The following NCKAP5 variants were observed in gnomAD, a reference collection of about 807,000 sequenced individuals.
NCKAP5 encodes the protein nck-associated protein 5.
Under a neutral mutation model 167.0 loss-of-function variants are expected in NCKAP5, and 92 were observed. That is an observed-to-expected ratio of 0.55 (90% confidence interval 0.47 to 0.66). The LOEUF (loss-of-function observed/expected upper bound fraction) is 0.66. Among genes scored for constraint, NCKAP5 ranks in the 30% least tolerant of loss-of-function variants. The pLI, the probability that NCKAP5 is intolerant of heterozygous loss-of-function variation, is 0.00. For missense variants in NCKAP5, 2,378 were observed against 2,315.0 expected (o/e 1.03, Z -0.56); for synonymous variants, 891 against 877.4 (o/e 1.02, Z -0.27).
intron 6 of NCKAP5, among the ~76,000 whole-genome samples, chr2:133,071,857 C>T (rs187978701): frequency 1.3e-5 from 2 of 152,288 alleles, no homozygotes; most frequent in East Asian, 3.9e-4. Context: ...TGGATAAAAG[C>T]ATAGACTAGG....
chr2:133,579,967 T>C, the NCKAP5 span, among the ~76,000 whole-genome samples: 1 of 152,174 alleles, frequency 6.6e-6, no homozygotes, highest in African/African-American at 2.4e-5. Context: ...CTTTCATACA[T>C]GTCTACACAA....
At chr2:133,099,707 A>T (rs1480190940) in intron 6 of NCKAP5, among the ~76,000 whole-genome samples, 3 of 152,202 alleles carry the variant, frequency 2.0e-5, no homozygotes, top group Non-Finnish European at 2.9e-5. Context: ...GGTAGTCTTC[A>T]TCCCACACTC....
intron 4 of NCKAP5, among the ~76,000 whole-genome samples, chr2:133,262,871 T>G (rs2088983902): frequency 6.6e-6 from 1 of 152,142 alleles, no homozygotes; most frequent in South Asian, 2.1e-4. Context: ...ATGGCACAAA[T>G]AATAGGGCCG....
chr2:133,212,749 T>C (rs2086264190), intron 5 of NCKAP5, among the ~76,000 whole-genome samples: 2 of 152,200 alleles, frequency 1.3e-5, no homozygotes, highest in African/African-American at 4.8e-5. Flanking sequence ...TGTGATCACC[T>C]TCCTAAGTAT....
chr2:132,843,720 A>G (rs1325307540), intron 11 of NCKAP5, among the ~76,000 whole-genome samples: 1 of 151,314 alleles, frequency 6.6e-6, no homozygotes, highest in South Asian at 2.1e-4. Context: ...ACTTAATTTT[A>G]TTTCTTATAT....
intron 3 of NCKAP5, among the ~76,000 whole-genome samples, chr2:133,482,938 T>C (rs1361910992): frequency 6.6e-6 from 1 of 152,212 alleles, no homozygotes; most frequent in African/African-American, 2.4e-5. Context: ...TGAGAAACTA[T>C]AGAACCGATG....
intron 4 of NCKAP5, among the ~76,000 whole-genome samples, chr2:133,302,747 A>G (rs1244409961): frequency 4.0e-5 from 6 of 149,658 alleles, no homozygotes; most frequent in South Asian, 2.1e-4. Context: ...TAACCTGCAC[A>G]ATGTGCACAT....
intron 7 of NCKAP5, among the ~76,000 whole-genome samples, chr2:132,972,657 C>A (rs534638090): frequency 6.6e-6 from 1 of 151,760 alleles, no homozygotes; most frequent in Non-Finnish European, 1.5e-5. Context: ...GTCAAGAGAT[C>A]GAGATCATCT....
intron 5 of NCKAP5, among the ~76,000 whole-genome samples, chr2:133,188,315 C>T (rs993270039): frequency 6.6e-6 from 1 of 152,068 alleles, no homozygotes; most frequent in African/African-American, 2.4e-5. Context: ...GAGACTCAGA[C>T]TCCCACACAA....
chr2:132,744,499 C>A (rs1679478211), intron 16 of NCKAP5, among the ~76,000 whole-genome samples: 1 of 151,312 alleles, frequency 6.6e-6, no homozygotes, highest in Non-Finnish European at 1.5e-5. Context: ...AGTGCCTTAA[C>A]AAAAATGTAC....
At chr2:133,449,355 C>T (rs1691407049) in intron 3 of NCKAP5, among the ~76,000 whole-genome samples, 1 of 152,036 alleles carries the variant, frequency 6.6e-6, no homozygotes. Flanking sequence ...GCTCTTGTAC[C>T]TTGGGCAAAA....
chr2:132,971,966 A>G (rs1490733001), intron 7 of NCKAP5, among the ~76,000 whole-genome samples: 1 of 152,262 alleles, frequency 6.6e-6, no homozygotes, highest in Non-Finnish European at 1.5e-5. Context: ...ACACTTGAGC[A>G]TAGAACATAA....
chr2:133,390,985 A>C (rs1687359410), intron 3 of NCKAP5: 1 of 152,208 alleles, frequency 6.6e-6, no homozygotes, highest in South Asian at 2.1e-4. Context: ...TGCACCAAGC[A>C]TTGTGTTGGG....
chr2:133,302,808 T>TA (rs1680488645), intron 4 of NCKAP5, among the ~76,000 whole-genome samples: 4 of 143,498 alleles, frequency 2.8e-5, no homozygotes, highest in East Asian at 2.1e-4. Context: ...AAAAAATAAA[T>TA]AAATAAATAA....
chr2:133,084,864 C>T (rs1174557076), intron 6 of NCKAP5, among the ~76,000 whole-genome samples: 4 of 152,128 alleles, frequency 2.6e-5, no homozygotes, highest in East Asian at 1.9e-4. Context: ...GAGACTTCAT[C>T]GCCTTAAGTG....
At chr2:133,552,848 C>A (rs1479790309) in intron 2 of NCKAP5, among the ~76,000 whole-genome samples, 1 of 152,022 alleles carries the variant, frequency 6.6e-6, no homozygotes, top group East Asian at 1.9e-4. Flanking sequence ...CAGAACAAAT[C>A]CCTTTCTTAT....
At chr2:133,665,172 A>G in the NCKAP5 span, among the ~76,000 whole-genome samples, 3 of 152,136 alleles carry the variant, frequency 2.0e-5, no homozygotes, top group African/African-American at 2.4e-5. Flanking sequence ...AACACTTTTA[A>G]TTTTCTTCAA....
At chr2:133,602,329 C>T in the NCKAP5 span, among the ~76,000 whole-genome samples, 8 of 152,126 alleles carry the variant, frequency 5.3e-5, no homozygotes, top group Admixed American at 5.2e-4. Context: ...AATGAGAAGC[C>T]TGTTCTGGAA....
At chr2:133,049,564 A>C (rs1439233957) in intron 6 of NCKAP5, among the ~76,000 whole-genome samples, 1 of 151,790 alleles carries the variant, frequency 6.6e-6, no homozygotes, top group Non-Finnish European at 1.5e-5. Context: ...AAAAAAAAAA[A>C]AAAGAATGGG....
Sources: allele counts gnomAD v4.1 joint callset (sites outside exome capture counted in the v4.1 genomes callset), GRCh38; gene constraint gnomAD v4.1.1; transcripts MANE v1.5; gene names NCBI Gene and HGNC (gene_info 2026-07-23, HGNC 2026-07-21).